The following ABTB2 variants were observed in gnomAD, a reference collection of about 807,000 sequenced individuals.
ABTB2 encodes ankyrin repeat and BTB domain containing 2, also known as ankyrin repeat and BTB/POZ domain-containing protein 2.
Under a neutral mutation model 104.1 loss-of-function variants are expected in ABTB2, and 56 were observed. That is an observed-to-expected ratio of 0.54 (90% CI 0.43 to 0.67). ABTB2 has a LOEUF of 0.67. ABTB2 is among the 30% of genes least tolerant of loss of function. The probability of loss-of-function intolerance (pLI) is 0.00; values close to 1 mark genes in which losing one functional copy is unlikely to be tolerated. For missense variants in ABTB2, 1,279 were observed against 1,407.7 expected (o/e 0.91, Z 1.46); for synonymous variants, 606 against 608.2 (o/e 1.00, Z 0.05).
intron 1 of ABTB2, among the ~76,000 whole-genome samples, chr11:34,226,694 C>T (rs990931891): frequency 2.6e-5 from 4 of 152,134 alleles, no homozygotes; most frequent in Non-Finnish European, 5.9e-5. Flanking sequence ...ACATTTCATT[C>T]GCTGTTTTTA....
At chr11:34,206,822 C>T (rs1853413437) in intron 1 of ABTB2, among the ~76,000 whole-genome samples, 1 of 152,208 alleles carries the variant, frequency 6.6e-6, no homozygotes, top group African/African-American at 2.4e-5. Flanking sequence ...TGACCCAGGC[C>T]TCCCCGCTCT....
In ABTB2 at chr11:34,154,294, T is replaced by C. The variant is rs1852589159; in HGVS notation, c.2851A>G (p.Ser951Gly). The C allele has an allele frequency of 1.2e-6, 2 of 1,613,900 alleles. No individual in the cohort carries two copies. Among genetic ancestry groups the C allele is most frequent in the Non-Finnish European group, 1.7e-6 (2 of 1,179,962 alleles). ...ILCSQTLSME[S>G]AVNTYKYAKI... is the part of the protein sequence containing the mutation. ...GCATATTTGTAGGTGTTCACGGCACTCTCCATGCTGAGGGTCTGGGAGCAC... is the reference window on the plus strand; with the variant it reads ...GCATATTTGTAGGTGTTCACGGCACCCTCCATGCTGAGGGTCTGGGAGCAC... Residue 951 changes from serine to glycine, a missense_variant, in exon 16 of 17, where the codon AGT becomes GGT. Ser to Gly is a moderately conservative substitution (Grantham distance 56, BLOSUM62 0). Transcript: ENST00000435224. The surrounding 1 kb of genome is among the most constrained non-coding windows in gnomAD (Gnocchi z 4.9).
chr11:34,237,648 A>AC (rs1853863132), intron 1 of ABTB2, among the ~76,000 whole-genome samples: 1 of 152,156 alleles, frequency 6.6e-6, no homozygotes, highest in South Asian at 2.1e-4. Context: ...TAATCCCAGC[A>AC]CTTTGGGAGG....
At chr11:34,277,093 G>A (rs1360229053) in intron 1 of ABTB2, among the ~76,000 whole-genome samples, 1 of 152,060 alleles carries the variant, frequency 6.6e-6, no homozygotes, top group African/African-American at 2.4e-5. Flanking sequence ...GTAGAAACAG[G>A]GTTTCACCAT....
chr11:34,293,801 T>C (rs1048776002), intron 1 of ABTB2, among the ~76,000 whole-genome samples: 2 of 152,144 alleles, frequency 1.3e-5, no homozygotes, highest in Non-Finnish European at 1.5e-5. Context: ...CTCAGCTCAC[T>C]GCAACCTCTG....
intron 1 of ABTB2, among the ~76,000 whole-genome samples, chr11:34,327,514 A>G (rs1276838303): frequency 6.6e-6 from 1 of 152,134 alleles, no homozygotes; most frequent in Non-Finnish European, 1.5e-5. Flanking sequence ...CACTCACCCC[A>G]GTTCCTTTCC....
intron 1 of ABTB2, among the ~76,000 whole-genome samples, chr11:34,343,251 G>C (rs1855284970): frequency 6.6e-6 from 1 of 152,146 alleles, no homozygotes; most frequent in Non-Finnish European, 1.5e-5. Flanking sequence ...AAGCTGCTGT[G>C]GCTGTGAAAT....
At chr11:34,343,073 A>C (rs1925367) in intron 1 of ABTB2, among the ~76,000 whole-genome samples, 1 of 152,062 alleles carries the variant, frequency 6.6e-6, no homozygotes, top group East Asian at 1.9e-4. Context: ...GAGTTCAAGC[A>C]ATCCTGCTGC....
At chr11:34,225,741 G>A (rs1419482883) in intron 1 of ABTB2, among the ~76,000 whole-genome samples, 3 of 152,078 alleles carry the variant, frequency 2.0e-5, no homozygotes, top group African/African-American at 7.2e-5. Flanking sequence ...GGTAACAAGA[G>A]TGAAACTCCA....
chr11:34,314,306 T>C (rs1854897265), intron 1 of ABTB2, among the ~76,000 whole-genome samples: 1 of 152,192 alleles, frequency 6.6e-6, no homozygotes, highest in Non-Finnish European at 1.5e-5. Flanking sequence ...AAGAGGCTTC[T>C]GCAACCTGTT....
At chr11:34,160,377 T>G in intron 11 of ABTB2, 24 bp from the exon 12 acceptor site, 16 of 1,532,502 alleles carry the variant, frequency 1.0e-5, no homozygotes, top group African/African-American at 1.4e-5. Context: ...AGAGAGGGCC[T>G]GTGAGCTGCC....
intron 1 of ABTB2, among the ~76,000 whole-genome samples, chr11:34,339,135 G>C (rs750652586): frequency 3.3e-5 from 5 of 152,060 alleles, no homozygotes; most frequent in Admixed American, 6.5e-5. Context: ...ACCATTTCTC[G>C]TCATCTTGAC....
intron 9 of ABTB2, among the ~76,000 whole-genome samples, chr11:34,163,727 C>T (rs1852754958): frequency 6.6e-6 from 1 of 152,234 alleles, no homozygotes. Context: ...CACGTGTGGA[C>T]TTGCTAGTTC....
chr11:34,222,470 T>C (rs1410184593), intron 1 of ABTB2, among the ~76,000 whole-genome samples: 1 of 152,134 alleles, frequency 6.6e-6, no homozygotes, highest in Non-Finnish European at 1.5e-5. Flanking sequence ...TTAATTTTGG[T>C]TCACAGAGCC....
chr11:34,156,660 A>C (rs571469459), intron 14 of ABTB2, among the ~76,000 whole-genome samples: 4 of 151,562 alleles, frequency 2.6e-5, no homozygotes, highest in Non-Finnish European at 5.9e-5. Context: ...AGTAGCTGGG[A>C]TTATGCAGCA....
At chr11:34,280,913 T>C (rs1337466028) in intron 1 of ABTB2, among the ~76,000 whole-genome samples, 1 of 152,116 alleles carries the variant, frequency 6.6e-6, no homozygotes, top group African/African-American at 2.4e-5. Flanking sequence ...AAGATACACA[T>C]ATAACTACCC....
rs1042753523 is a variant in ABTB2, at chr11:34,197,464, G to T, written c.1105C>A (p.Gln369Lys). The T allele has an allele frequency of 2.5e-6, 4 of 1,590,410 alleles. No homozygotes were observed. The highest frequency in any genetic ancestry group is 3.4e-6 in the Non-Finnish European group (4 of 1,168,428). ...ATGGGCTGTGGCGGCTGGCGGGCCTGGCGGGCAGGGCTGGCACCCGGGCAC... is the reference window on the plus strand; with the variant it reads ...ATGGGCTGTGGCGGCTGGCGGGCCTTGCGGGCAGGGCTGGCACCCGGGCAC... ...PLCPGASPARQARQPPQPITW... is the reference protein window; with the variant it reads ...PLCPGASPARKARQPPQPITW... Residue 369 changes from glutamine (Q) to lysine (K), a missense_variant, in exon 3 of 17, where the codon CAG (glutamine) becomes AAG (lysine). Gln to Lys is a moderately conservative substitution (Grantham distance 53). Coordinates refer to ENST00000435224, the MANE Select transcript of ABTB2 (RefSeq NM_145804.3).
At chr11:34,328,893 C>T (rs538444129) in intron 1 of ABTB2, among the ~76,000 whole-genome samples, 39 of 152,232 alleles carry the variant, frequency 2.6e-4, no homozygotes, top group South Asian at 2.1e-3. Flanking sequence ...CAAAAATCTA[C>T]GAGATGAACT....
intron 1 of ABTB2, among the ~76,000 whole-genome samples, chr11:34,289,872 T>C (rs919206009): frequency 1.3e-5 from 2 of 152,204 alleles, no homozygotes; most frequent in Non-Finnish European, 2.9e-5. Flanking sequence ...AACCAGCTCC[T>C]GGGACTAATC....
Sources: allele counts gnomAD v4.1 joint callset (sites outside exome capture counted in the v4.1 genomes callset), GRCh38; gene constraint gnomAD v4.1.1; non-coding constraint Gnocchi (gnomAD v3.1); transcripts MANE v1.5; gene names NCBI Gene and HGNC (gene_info 2026-07-23, HGNC 2026-07-21).